The following CCDC149 variants were observed in gnomAD, a reference collection of about 807,000 sequenced individuals.
CCDC149 encodes the protein coiled-coil domain-containing protein 149.
CCDC149 carries 45 observed loss-of-function variants against 59.9 expected under a neutral mutation model. The ratio of observed to expected loss-of-function variants is 0.75; its 90% CI spans 0.59 to 0.96. The LOEUF (loss-of-function observed/expected upper bound fraction) is 0.96. Ranked by LOEUF, CCDC149 falls within the 40% of genes least tolerant of loss-of-function variation. CCDC149 has a pLI of 0.00. For missense variants in CCDC149, 584 were observed against 664.7 expected (o/e 0.88, Z 1.33); for synonymous variants, 245 against 260.6 (o/e 0.94, Z 0.58).
chr4:24,838,221 C>A lies in CCDC149; in HGVS notation c.424G>T (p.Val142Leu), dbSNP rs774075880. 1 of 1,614,154 alleles carries A rather than the reference C, an allele frequency of 6.2e-7. No homozygotes were observed. Among genetic ancestry groups the A allele is most frequent in the Non-Finnish European group, 8.5e-7 (1 of 1,180,046 alleles). Residue 142 changes from valine (V) to leucine (L), a missense_variant, in exon 5 of 13, where the codon GTG becomes TTG. Val to Leu is a conservative substitution (Grantham distance 32, BLOSUM62 1). Transcript: ENST00000635206. The stretch of plus-strand genomic sequence containing the variant: ...CGCTCATGGGCTGCAAAGTGTCGCA[C>A]GCCGATTGCTTCGTCTCCGAGCCTT...
chr4:24,890,892 T>C (rs896684209), intron 1 of CCDC149, among the ~76,000 whole-genome samples: 3 of 152,234 alleles, frequency 2.0e-5, no homozygotes, highest in African/African-American at 7.2e-5. Context: ...CTTACCACCA[T>C]CTGCTGAGAT....
At chr4:24,831,686 T>C in intron 8 of CCDC149, 36 bp from the exon 9 acceptor site, 2 of 1,594,016 alleles carry the variant, frequency 1.3e-6, no homozygotes, top group Admixed American at 3.5e-5. Flanking sequence ...TCAGTCGTCA[T>C]TCTTCTGAAA....
chr4:24,836,417 GTCA>G lies in CCDC149; in HGVS notation c.735+16_735+18del. ...TGCACAATAGTCAATCACCATCACT[GTCA>G]TCATGATTTTGCTACCTTGTATTTG... On this transcript the variant is annotated intron_variant, in intron 7 of 12. Coordinates refer to ENST00000635206, the MANE Select transcript of CCDC149 (RefSeq NM_001330643.2). 6.6e-7 allele frequency: 1 copy of G among 1,523,172 alleles called. No homozygotes were observed. Among genetic ancestry groups the G allele is most frequent in the Admixed American group, 1.7e-5 (1 of 59,600 alleles). 94.4% of individuals were successfully genotyped at this position (1,523,172 alleles called of 1,614,324 possible). A position where few individuals can be genotyped will look rare whatever the true frequency, so the allele number is the denominator to read the frequency against.
intron 1 of CCDC149, among the ~76,000 whole-genome samples, chr4:24,967,270 G>T (rs1308600848): frequency 6.6e-6 from 1 of 152,162 alleles, no homozygotes; most frequent in African/African-American, 2.4e-5. Context: ...AATACCATTT[G>T]CTGGGTGGGT....
chr4:24,864,259 T>C (rs1456087924), intron 3 of CCDC149, among the ~76,000 whole-genome samples: 1 of 152,202 alleles, frequency 6.6e-6, no homozygotes, highest in Non-Finnish European at 1.5e-5. Context: ...AGGTTAGGTA[T>C]CATTAAATAA....
Position 24,808,674 on chromosome 4 carries a change from G to C in CCDC149, c.1338C>G (p.Pro446=). The C allele has an allele frequency of 6.4e-7, 1 of 1,552,404 alleles. No individual in the cohort carries two copies. The highest frequency in any genetic ancestry group is 8.7e-7 in the Non-Finnish European group (1 of 1,147,156). ...TTACTTCTTCCTCAGAAGGTAACTG[G>C]GGTAATGAAGGATGAAAGAGCTTGC... Residue 446 remains proline, a synonymous_variant, in exon 13 of 13, where the codon CCC becomes CCG. Coordinates refer to ENST00000635206, the MANE Select transcript of CCDC149 (RefSeq NM_001330643.2).
Position 24,808,542 on chromosome 4 carries a change from C to T in CCDC149, c.1470G>A (p.Gly490=). The change falls in exon 13 of 13, where the codon GGG becomes GGA. Residue 490 remains glycine, a synonymous_variant. Coordinates refer to ENST00000635206, the MANE Select transcript of CCDC149 (RefSeq NM_001330643.2). ...GGATGGCCAGGCCTGGCGGGGCTGG[C>T]CCCGTCTCACTCCTCTGACCTTCTA... 1 of 1,548,758 alleles carries T rather than the reference C, an allele frequency of 6.5e-7. No individual in the cohort carries two copies.
intron 4 of CCDC149, among the ~76,000 whole-genome samples, chr4:24,849,443 T>G: frequency 6.6e-6 from 1 of 152,128 alleles, no homozygotes; most frequent in South Asian, 2.1e-4. Flanking sequence ...CCTAAGAAAT[T>G]CCTGCGCACT....
intron 1 of CCDC149, among the ~76,000 whole-genome samples, chr4:24,976,510 T>C (rs35936036): frequency 0.21 from 32,375 of 152,084 alleles, 4,663 homozygotes; most frequent in African/African-American, 0.4. Flanking sequence ...GTCAGGAGTT[T>C]GAGACCAGCC....
chr4:24,928,788 C>G (rs190871979), intron 1 of CCDC149, among the ~76,000 whole-genome samples: 1 of 152,316 alleles, frequency 6.6e-6, no homozygotes, highest in East Asian at 1.9e-4. Context: ...GCAGAGGTGT[C>G]TTCCTGTCAC....
At chr4:24,861,489 G>A (rs1426725859) in intron 3 of CCDC149, among the ~76,000 whole-genome samples, 1 of 152,098 alleles carries the variant, frequency 6.6e-6, no homozygotes, top group Non-Finnish European at 1.5e-5. Flanking sequence ...CGAAGGGAAG[G>A]GCGGGATGCA....
At chr4:24,880,423 T>C (rs1385435924) in intron 1 of CCDC149, among the ~76,000 whole-genome samples, 1 of 152,190 alleles carries the variant, frequency 6.6e-6, no homozygotes, top group Non-Finnish European at 1.5e-5. Context: ...AAGTGACACA[T>C]GACTGTATAT....
At chr4:24,922,915 T>A (rs1722337169) in intron 1 of CCDC149, among the ~76,000 whole-genome samples, 1 of 152,106 alleles carries the variant, frequency 6.6e-6, no homozygotes, top group Non-Finnish European at 1.5e-5. Flanking sequence ...CCCCTTAGAT[T>A]TTCTTTTTTT....
chr4:24,873,281 C>A lies in CCDC149; in HGVS notation c.264+400G>T, dbSNP rs529992717. Among the ~76,000 whole-genome samples, 5 of 151,924 alleles carry A rather than the reference C, an allele frequency of 3.3e-5. No homozygotes were observed. In the South Asian group the frequency reaches 1.0e-3, roughly 32 times the overall value. On this transcript the variant is annotated intron_variant, in intron 3 of 12. Coordinates refer to ENST00000635206, the MANE Select transcript of CCDC149 (RefSeq NM_001330643.2). ...GCACCTACCAAGTGGTATGTGTCCA[C>A]TGAATGGTATGCACCCACTAAACAG...
intron 1 of CCDC149, among the ~76,000 whole-genome samples, chr4:24,959,273 C>CA (rs374319268): frequency 1.4e-3 from 212 of 152,050 alleles, no homozygotes; most frequent in African/African-American, 4.9e-3. Flanking sequence ...TGCGCCCGGT[C>CA]AAAAAAAGTT....
chr4:24,833,621 C>CA (rs60761533), intron 8 of CCDC149, among the ~76,000 whole-genome samples: 12,797 of 150,264 alleles, frequency 0.085, 639 homozygotes, highest in South Asian at 0.16. Flanking sequence ...GAGACTGTCT[C>CA]AAAAAAAAAG....
chr4:24,873,814 T>C, intron 2 of CCDC149, 95 bp from the exon 3 acceptor site: 1 of 903,896 alleles, frequency 1.1e-6, no homozygotes, highest in Non-Finnish European at 1.8e-6. Flanking sequence ...AAATGTAGAC[T>C]CTCCCCACCC....
intron 1 of CCDC149, among the ~76,000 whole-genome samples, chr4:24,930,157 G>T (rs555973383): frequency 2.2e-4 from 34 of 152,202 alleles, no homozygotes; most frequent in Non-Finnish European, 3.7e-4. Flanking sequence ...GAACAGAAAT[G>T]ATGTGTGCCA....
chr4:24,917,155 C>T (rs939985606), upstream of CCDC149, among the ~76,000 whole-genome samples: 25 of 152,200 alleles, frequency 1.6e-4, no homozygotes, highest in Non-Finnish European at 2.9e-4. Context: ...GGATTCTGGC[C>T]GGGTTCCTGA....
Sources: gnomAD v4.1 joint callset for allele counts (sites outside exome capture counted in the v4.1 genomes callset) on GRCh38, gnomAD v4.1.1 for gene constraint, MANE v1.5 for transcripts, NCBI Gene and HGNC (gene_info 2026-07-23, HGNC 2026-07-21) for gene names.